The following ARHGEF28 variants were observed in gnomAD, a reference collection of about 807,000 sequenced individuals.
ARHGEF28 encodes Rho guanine nucleotide exchange factor 28, also known as 190 kDa guanine nucleotide exchange factor.
In ARHGEF28, 152 loss-of-function variants were observed where a neutral mutation model predicts 206.6. The ratio of observed to expected loss-of-function variants is 0.74; its 90% CI spans 0.64 to 0.84. The LOEUF (loss-of-function observed/expected upper bound fraction) is 0.84. Ranked by LOEUF, ARHGEF28 falls within the 40% of genes least tolerant of loss-of-function variation. The pLI, the probability that ARHGEF28 is intolerant of heterozygous loss-of-function variation, is 0.00. For synonymous variants in ARHGEF28, 763 were observed against 776.4 expected, an observed-to-expected ratio of 0.98 and a Z score of 0.29; for missense variants, 2,028 against 2,073.2, an observed-to-expected ratio of 0.98 and a Z score of 0.42.
chr5:73,628,993 C>T (rs1195268888), intron 1 of ARHGEF28, among the ~76,000 whole-genome samples: 1 of 152,192 alleles, frequency 6.6e-6, no homozygotes, highest in Non-Finnish European at 1.5e-5. Flanking sequence ...TTGACAATCT[C>T]TATTATGGGG....
intron 4 of ARHGEF28, among the ~76,000 whole-genome samples, chr5:73,769,845 G>T (rs528667500): frequency 6.6e-6 from 1 of 152,108 alleles, no homozygotes; most frequent in Admixed American, 6.5e-5. Flanking sequence ...TTAAGAACAG[G>T]TTTAGGTTCA....
chr5:73,742,717 G>A (rs539310175), intron 2 of ARHGEF28, among the ~76,000 whole-genome samples: 212 of 150,476 alleles, frequency 1.4e-3, no homozygotes, highest in African/African-American at 4.9e-3. Context: ...CCAGCTACTC[G>A]GGAGGCTGAG....
intron 2 of ARHGEF28, among the ~76,000 whole-genome samples, chr5:73,707,041 A>C (rs1028636462): frequency 6.6e-6 from 1 of 152,208 alleles, no homozygotes; most frequent in Non-Finnish European, 1.5e-5. Context: ...TGGCCTGGTC[A>C]CTTGAAATCT....
chr5:73,725,922 T>C (rs997044568), intron 2 of ARHGEF28, among the ~76,000 whole-genome samples: 1 of 152,220 alleles, frequency 6.6e-6, no homozygotes, highest in Non-Finnish European at 1.5e-5. Flanking sequence ...CTTTATTCTT[T>C]CAGGGCTCAA....
At position 73,892,225 on chromosome 5, in the gene ARHGEF28, A is replaced by G; in HGVS notation, c.3561A>G (p.Val1187=). 5.1e-6 allele frequency: 8 copies of G among 1,560,556 alleles called. No individual in the cohort carries two copies. The highest frequency in any genetic ancestry group is 6.9e-6 in the Non-Finnish European group (8 of 1,151,158). ...GGATGAGACGGATCCAGCAGGCTGTAGAAAGGTAACATTTCCTTCCGTCCA... is the reference window on the plus strand; with the variant it reads ...GGATGAGACGGATCCAGCAGGCTGTGGAAAGGTAACATTTCCTTCCGTCCA... ...NNWMRRIQQA[V]ESCPEEKGGR... Residue 1187 remains valine (V), a synonymous_variant, in exon 27 of 36, where the codon GTA becomes GTG. Coordinates refer to ENST00000513042, the MANE Select transcript of ARHGEF28 (RefSeq NM_001177693.2).
chr5:73,725,650 T>A (rs1180767268), intron 2 of ARHGEF28, among the ~76,000 whole-genome samples: 1 of 152,222 alleles, frequency 6.6e-6, no homozygotes, highest in Non-Finnish European at 1.5e-5. Context: ...GTGGTTCAAG[T>A]GAGGTCTCTG....
chr5:73,767,798 C>T (rs1752983837), intron 4 of ARHGEF28, among the ~76,000 whole-genome samples: 1 of 152,172 alleles, frequency 6.6e-6, no homozygotes. Flanking sequence ...ATATTAATCC[C>T]CAAGACAATG....
intron 2 of ARHGEF28, among the ~76,000 whole-genome samples, chr5:73,728,172 A>C (rs72770840): frequency 6.6e-6 from 1 of 152,100 alleles, no homozygotes; most frequent in Non-Finnish European, 1.5e-5. Context: ...AAATTTGATA[A>C]TGATATCTAT....
At chr5:73,812,723 T>C in intron 9 of ARHGEF28, among the ~76,000 whole-genome samples, 1 of 152,064 alleles carries the variant, frequency 6.6e-6, no homozygotes, top group Non-Finnish European at 1.5e-5. Context: ...ACCAGCTCTA[T>C]TGAGGTGGAC....
chr5:73,733,588 A>G (rs1750732029), intron 2 of ARHGEF28, among the ~76,000 whole-genome samples: 1 of 152,184 alleles, frequency 6.6e-6, no homozygotes, highest in Non-Finnish European at 1.5e-5. Flanking sequence ...AATCACCACT[A>G]AAGAACTTAT....
At chr5:73,837,814 T>G (rs1446160834) in intron 10 of ARHGEF28, among the ~76,000 whole-genome samples, 1 of 151,466 alleles carries the variant, frequency 6.6e-6, no homozygotes, top group East Asian at 1.9e-4. Context: ...CCATCTTGGC[T>G]CACTGCAATC....
intron 22 of ARHGEF28, among the ~76,000 whole-genome samples, chr5:73,880,236 G>A (rs922089502): frequency 7.2e-5 from 11 of 152,224 alleles, no homozygotes; most frequent in Non-Finnish European, 1.3e-4. Context: ...CGAGCCAGGT[G>A]TGGGATATAA....
At chr5:73,663,198 C>T (rs544102366) in intron 1 of ARHGEF28, among the ~76,000 whole-genome samples, 70 of 152,250 alleles carry the variant, frequency 4.6e-4, no homozygotes, top group Non-Finnish European at 8.7e-4. Context: ...TCAGATGATC[C>T]GCCCACCTCG....
chr5:73,663,239 A>G (rs1349858962), intron 1 of ARHGEF28, among the ~76,000 whole-genome samples: 1 of 152,318 alleles, frequency 6.6e-6, no homozygotes, highest in Admixed American at 6.5e-5. Flanking sequence ...TACAAGCATG[A>G]GCTACCTTGC....
intron 1 of ARHGEF28, among the ~76,000 whole-genome samples, chr5:73,680,624 A>G (rs932822066): frequency 1.3e-5 from 2 of 151,958 alleles, no homozygotes; most frequent in African/African-American, 4.8e-5. Flanking sequence ...GAACTTATCT[A>G]TGTAACGAGA....
intron 2 of ARHGEF28, among the ~76,000 whole-genome samples, chr5:73,691,296 TACACACACACACAC>T (rs57854737): frequency 2.7e-5 from 4 of 149,670 alleles, no homozygotes; most frequent in African/African-American, 9.8e-5. Flanking sequence ...GGCAAATGTG[TACACACACACACAC>T]ACACACACAC....
intron 9 of ARHGEF28, among the ~76,000 whole-genome samples, chr5:73,821,296 T>G (rs1756570100): frequency 6.6e-6 from 1 of 152,152 alleles, no homozygotes; most frequent in African/African-American, 2.4e-5. Flanking sequence ...ATGTTTCTAT[T>G]GAGGACACAT....
At position 73,700,926 on chromosome 5, in the gene ARHGEF28, AAAATGAGTT is replaced by A. The variant is rs550115771; in HGVS notation, c.33+16047_33+16055del. ...AGAATATCCCAAGGGTTAGTGGAAC[AAAATGAGTT>A]AAATAACTTTTTCAGTGGGAAGTCC... On this transcript the variant is annotated intron_variant, in intron 2 of 35. Coordinates refer to ENST00000513042, the MANE Select transcript of ARHGEF28 (RefSeq NM_001177693.2). Among the ~76,000 whole-genome samples, 283 of 152,356 alleles carry A rather than the reference AAAATGAGTT, an allele frequency of 1.9e-3. 1 individual carries two copies. Among genetic ancestry groups the A allele is most frequent in the Non-Finnish European group, 3.1e-3 (208 of 68,032 alleles).
chr5:73,719,979 G>A (rs912232162), intron 2 of ARHGEF28, among the ~76,000 whole-genome samples: 1 of 152,238 alleles, frequency 6.6e-6, no homozygotes, highest in Non-Finnish European at 1.5e-5. Context: ...ACCATGCAAT[G>A]AAGAAAAACT....
Sources: allele counts gnomAD v4.1 joint callset (sites outside exome capture counted in the v4.1 genomes callset), GRCh38; gene constraint gnomAD v4.1.1; transcripts MANE v1.5; gene names NCBI Gene and HGNC (gene_info 2026-07-23, HGNC 2026-07-21).